CTNNA3: variants seen among roughly 807,000 people sequenced by gnomAD.
CTNNA3 encodes the protein catenin alpha-3.
A neutral mutation model predicts 95.7 loss-of-function variants in CTNNA3; 76 were observed. That is an observed-to-expected ratio of 0.79 (90% CI 0.66 to 0.96). The LOEUF (loss-of-function observed/expected upper bound fraction) is 0.96. Ranked by LOEUF, CTNNA3 falls within the 40% of genes least tolerant of loss-of-function variation. The pLI is 0.00. For synonymous variants in CTNNA3, 431 were observed against 374.4 expected (o/e 1.15, Z -1.74); for missense variants, 1,191 against 1,089.8 (o/e 1.09, Z -1.31).
intron 11 of CTNNA3, among the ~76,000 whole-genome samples, chr10:66,406,784 A>G (rs1400246331): frequency 6.6e-6 from 1 of 152,136 alleles, no homozygotes; most frequent in East Asian, 1.9e-4. Flanking sequence ...CCACTTCTCC[A>G]TGCTGCCACT....
intron 5 of CTNNA3, among the ~76,000 whole-genome samples, chr10:67,480,367 C>T (rs1461418572): frequency 6.6e-6 from 1 of 152,194 alleles, no homozygotes; most frequent in Non-Finnish European, 1.5e-5. Flanking sequence ...GAACAGGCCT[C>T]AAGCCTGGCC....
intron 1 of CTNNA3, among the ~76,000 whole-genome samples, chr10:67,691,309 A>G (rs1331409172): frequency 6.6e-6 from 1 of 152,068 alleles, no homozygotes; most frequent in Non-Finnish European, 1.5e-5. Flanking sequence ...CTGCCTGGCC[A>G]CCACCCCGTC....
chr10:67,483,604 GT>G (rs1848327647), intron 5 of CTNNA3, among the ~76,000 whole-genome samples: 1 of 151,066 alleles, frequency 6.6e-6, no homozygotes, highest in South Asian at 2.1e-4. Flanking sequence ...TCTGGGGACT[GT>G]TGTGGGGTGG....
intron 7 of CTNNA3, among the ~76,000 whole-genome samples, chr10:66,939,794 T>C (rs1209790101): frequency 1.3e-5 from 2 of 152,188 alleles, no homozygotes; most frequent in Non-Finnish European, 2.9e-5. Context: ...CTTGTAGTTA[T>C]AAGGACTTTT....
chr10:66,143,472 T>C (rs942679066), intron 13 of CTNNA3, among the ~76,000 whole-genome samples: 1 of 152,116 alleles, frequency 6.6e-6, no homozygotes, highest in Non-Finnish European at 1.5e-5. Context: ...AAATATATCA[T>C]CCCTCTGTCT....
chr10:67,402,536 C>A (rs979394771), intron 5 of CTNNA3, among the ~76,000 whole-genome samples: 15 of 152,184 alleles, frequency 9.9e-5, no homozygotes, highest in Non-Finnish European at 2.1e-4. Context: ...CAGGTTTTCG[C>A]ACTGGGACTG....
intron 13 of CTNNA3, among the ~76,000 whole-genome samples, chr10:66,258,513 T>G (rs2090877632): frequency 1.3e-5 from 2 of 152,182 alleles, no homozygotes; most frequent in Non-Finnish European, 2.9e-5. Flanking sequence ...ACTAATAATG[T>G]GAAGCATGCT....
chr10:66,767,287 A>T (rs1839904152), intron 8 of CTNNA3, among the ~76,000 whole-genome samples: 1 of 152,046 alleles, frequency 6.6e-6, no homozygotes, highest in South Asian at 2.1e-4. Context: ...CTCTACTAAA[A>T]ATAAAAAAAT....
chr10:67,411,582 T>C (rs1037514226), intron 5 of CTNNA3, among the ~76,000 whole-genome samples: 1 of 152,108 alleles, frequency 6.6e-6, no homozygotes, highest in Admixed American at 6.6e-5. Flanking sequence ...TAGGGGAAAG[T>C]CTAGTGCTTC....
At chr10:66,043,992 GTGTT>G (rs780747032) in intron 15 of CTNNA3, among the ~76,000 whole-genome samples, 1,644 of 111,714 alleles carry the variant, frequency 0.015, 13 homozygotes, top group Middle Eastern at 0.035. Context: ...GTGTGTGTGT[GTGTT>G]TGTGTGTGTC....
intron 7 of CTNNA3, among the ~76,000 whole-genome samples, chr10:66,814,976 C>T (rs1037513023): frequency 1.3e-5 from 2 of 151,374 alleles, no homozygotes; most frequent in South Asian, 2.1e-4. Flanking sequence ...CTCAGCCTCC[C>T]GAGGAGTTGG....
intron 12 of CTNNA3, among the ~76,000 whole-genome samples, chr10:66,368,131 CAA>C (rs1268713802): frequency 1.3e-5 from 2 of 151,848 alleles, no homozygotes; most frequent in East Asian, 3.9e-4. Context: ...AAGATCTACA[CAA>C]GTTACATTTC....
At chr10:67,531,238 G>A (rs957940332) in intron 4 of CTNNA3, among the ~76,000 whole-genome samples, 1 of 152,124 alleles carries the variant, frequency 6.6e-6, no homozygotes, top group Non-Finnish European at 1.5e-5. Flanking sequence ...ACCCTAGAAT[G>A]ATAGCTCCAC....
intron 5 of CTNNA3, among the ~76,000 whole-genome samples, chr10:67,311,360 G>C (rs1393679240): frequency 1.3e-5 from 2 of 151,972 alleles, no homozygotes; most frequent in Non-Finnish European, 2.9e-5. Flanking sequence ...GAAGGAGGGG[G>C]GTTGGGAATC....
intron 7 of CTNNA3, among the ~76,000 whole-genome samples, chr10:66,882,542 A>G (rs1844888595): frequency 6.6e-6 from 1 of 152,162 alleles, no homozygotes; most frequent in Admixed American, 6.6e-5. Flanking sequence ...CAGAGCATGA[A>G]AGATGCTTAC....
chr10:66,923,327 T>G (rs184452895), intron 7 of CTNNA3, among the ~76,000 whole-genome samples: 85 of 152,256 alleles, frequency 5.6e-4, no homozygotes, highest in Admixed American at 1.9e-3. Flanking sequence ...CAATGGGAAG[T>G]AAAGTATGAT....
intron 7 of CTNNA3, among the ~76,000 whole-genome samples, chr10:66,899,872 C>T (rs1386099688): frequency 2.0e-5 from 3 of 152,128 alleles, no homozygotes; most frequent in Non-Finnish European, 2.9e-5. Context: ...CGGAGCCCAC[C>T]GCAGCTCAAC....
chr10:66,035,381 T>C lies in CTNNA3; in HGVS notation c.2159+33927A>G, dbSNP rs560277247. Among the ~76,000 whole-genome samples, 3 of 152,132 alleles carry C rather than the reference T, an allele frequency of 2.0e-5. No homozygotes were observed. The East Asian group carries it at 5.8e-4, about 29-fold the overall frequency. Reference sequence around the variant, plus strand: ...ATTTTGGCAGCCTAAGAATTTAGAATAACCAAATAACTAAACAAAAGTTAA... The same window carrying C: ...ATTTTGGCAGCCTAAGAATTTAGAACAACCAAATAACTAAACAAAAGTTAA... On this transcript the variant is annotated intron_variant, in intron 15 of 17. Transcript: ENST00000433211.
intron 11 of CTNNA3, among the ~76,000 whole-genome samples, chr10:66,487,090 TAAGACGAA>T: frequency 6.7e-6 from 1 of 149,898 alleles, no homozygotes; most frequent in East Asian, 2.0e-4. Flanking sequence ...CTTTCTGTTA[TAAGACGAA>T]TAAGTTCAGG....
Sources: gnomAD v4.1 joint callset for allele counts (sites outside exome capture counted in the v4.1 genomes callset) on GRCh38, gnomAD v4.1.1 for gene constraint, MANE v1.5 for transcripts, NCBI Gene and HGNC (gene_info 2026-07-23, HGNC 2026-07-21) for gene names.